Variants in ZNF808 observed in about 807,000 individuals in gnomAD.
ZNF808 encodes zinc finger protein 808.
Under a neutral mutation model 8.7 loss-of-function variants are expected in ZNF808, and 5 were observed. That is an observed-to-expected ratio of 0.58 (90% confidence interval 0.30 to 1.21). ZNF808 has a LOEUF of 1.21. Among genes scored for constraint, ZNF808 ranks in the 50% most tolerant of loss-of-function variants. ZNF808 has a pLI of 0.07. For synonymous variants in ZNF808, 380 were observed against 366.0 expected (o/e 1.04, Z -0.44); for missense variants, 1,103 against 1,098.4 (o/e 1.00, Z -0.06).
intron 3 of ZNF808, among the ~76,000 whole-genome samples, chr19:52,544,503 G>A (rs1233468063): frequency 3.3e-5 from 5 of 151,960 alleles, no homozygotes; most frequent in Non-Finnish European, 7.4e-5. Context: ...GCTAATTTTT[G>A]TATTTTTAGT....
rs756372569 is a variant in ZNF808 at position 52,553,348 on chromosome 19, C to A, written c.432C>A (p.His144Gln). Reference sequence around the variant, plus strand: ...CTGGTAGCACAGACCAACATGATCACAGGCATGCTGGAAACAAGCCTATTA... The same window carrying A: ...CTGGTAGCACAGACCAACATGATCAAAGGCATGCTGGAAACAAGCCTATTA... Reference protein sequence around the residue: ...KLTGSTDQHDHRHAGNKPIKD... With the variant: ...KLTGSTDQHDQRHAGNKPIKD... Residue 144 changes from histidine to glutamine, a missense_variant, in exon 5 of 5, where the codon CAC (histidine) becomes CAA (glutamine). Transcript: ENST00000359798. 1.2e-6 allele frequency: 2 copies of A among 1,614,130 alleles called. No individual in the cohort carries two copies. The highest frequency in any genetic ancestry group is 2.2e-5 in the South Asian group (2 of 91,088).
intron 4 of ZNF808, 98 bp downstream of exon 4, chr19:52,547,736 C>CT: frequency 7.7e-7 from 1 of 1,292,936 alleles, no homozygotes; most frequent in Non-Finnish European, 1.0e-6. Flanking sequence ...CCCATCCATG[C>CT]TGGTTTTTTT....
Position 52,554,248 on chromosome 19 carries a change from A to C in ZNF808, c.1332A>C (p.Arg444Ser), listed in dbSNP as rs1449193369. 1.2e-6 allele frequency: 2 copies of C among 1,613,518 alleles called. No individual in the cohort carries two copies. Among genetic ancestry groups the C allele is most frequent in the African/African-American group, 2.7e-5 (2 of 74,868 alleles). Residue 444 changes from arginine to serine, a missense_variant, in exon 5 of 5, where the codon AGA becomes AGC. Coordinates refer to ENST00000359798, the MANE Select transcript of ZNF808 (RefSeq NM_001039886.4). ...KVFSQKSTLE[R>S]HKRIHTGEKP... ...TCAGTCAGAAATCAACCCTTGAGAG[A>C]CATAAGAGAATTCATACTGGAGAGA...
chr19:52,554,170 T>C lies in ZNF808; in HGVS notation c.1254T>C (p.His418=), dbSNP rs2059808101. ...ATCAATCAAGCCTTGCACGTCATCATATACTTCATACTGGAGAGAAACCTT... is the reference window on the plus strand; with the variant it reads ...ATCAATCAAGCCTTGCACGTCATCACATACTTCATACTGGAGAGAAACCTT... ...FNHQSSLARH[H]ILHTGEKPYK... Residue 418 remains histidine, a synonymous_variant, in exon 5 of 5, where the codon CAT becomes CAC. Transcript: ENST00000359798. 1 of 1,614,146 alleles carries C rather than the reference T, an allele frequency of 6.2e-7. No homozygotes were observed. The highest frequency in any genetic ancestry group is 8.5e-7 in the Non-Finnish European group (1 of 1,180,026).
chr19:52,540,429 A>C (rs1265422211), intron 2 of ZNF808, among the ~76,000 whole-genome samples: 7 of 152,280 alleles, frequency 4.6e-5, no homozygotes, highest in Non-Finnish European at 1.5e-5. Context: ...TTGAGTTTAC[A>C]TTGAGGTCTG....
At chr19:52,530,146 C>T (rs1415661383) in intron 1 of ZNF808, among the ~76,000 whole-genome samples, 3 of 152,074 alleles carry the variant, frequency 2.0e-5, no homozygotes, top group Admixed American at 1.3e-4. Context: ...CCACAACCTC[C>T]GCTCCCTGGC....
chr19:52,535,258 G>A (rs959728994), intron 2 of ZNF808, among the ~76,000 whole-genome samples: 2 of 149,612 alleles, frequency 1.3e-5, no homozygotes, highest in South Asian at 2.1e-4. Context: ...GTGAACCCGG[G>A]AGGCGGAGCT....
intron 4 of ZNF808, among the ~76,000 whole-genome samples, chr19:52,549,566 A>AT (rs1372647450): frequency 6.6e-6 from 1 of 152,144 alleles, no homozygotes; most frequent in Non-Finnish European, 1.5e-5. Flanking sequence ...CCTTGGGTCA[A>AT]TATTTTAACA....
At position 52,555,420 on chromosome 19, in the gene ZNF808, C is replaced by T; in HGVS notation, c.2504C>T (p.Ser835Leu). The T allele has an allele frequency of 6.2e-7, 1 of 1,614,050 alleles. No individual in the cohort carries two copies. Among genetic ancestry groups the T allele is most frequent in the South Asian group, 1.1e-5 (1 of 91,072 alleles). The change falls in exon 5 of 5, where the codon TCA (serine) becomes TTA (leucine). Residue 835 changes from serine to leucine, a missense_variant. Ser to Leu is a moderately radical substitution (Grantham distance 145). Transcript: ENST00000359798. ...GCTTTTAATGAACAATCACACCTTT[C>T]ACGTCATCATAGAATTCATACTGGA... ...GKAFNEQSHL[S>L]RHHRIHTGEK...
intron 2 of ZNF808, among the ~76,000 whole-genome samples, chr19:52,536,221 G>C (rs1001774799): frequency 1.3e-5 from 2 of 152,304 alleles, no homozygotes; most frequent in East Asian, 1.9e-4. Flanking sequence ...GTTTGAACTC[G>C]TCCGGAGGCT....
Position 52,553,305 on chromosome 19 carries a change from C to T in ZNF808, c.389C>T (p.Thr130Ile), listed in dbSNP as rs763728264. Residue 130 changes from threonine to isoleucine, a missense_variant, in exon 5 of 5, where the codon ACA becomes ATA. By Grantham distance (89) the Thr-to-Ile change is moderately conservative. Coordinates refer to ENST00000359798, the MANE Select transcript of ZNF808 (RefSeq NM_001039886.4). ...AGAAATGGCCATGAAGCACCCACGA[C>T]AAAAATAAAAAAGTTGACTGGTAGC... The part of the protein sequence containing the change: ...DERNGHEAPT[T>I]KIKKLTGSTD... The T allele has an allele frequency of 1.2e-6, 2 of 1,613,302 alleles. No homozygotes were observed. Among genetic ancestry groups the T allele is most frequent in the South Asian group, 1.1e-5 (1 of 90,926 alleles).
chr19:52,547,372 T>A, intron 3 of ZNF808, 140 bp from the exon 4 acceptor site: 3 of 1,504,846 alleles, frequency 2.0e-6, no homozygotes, highest in Non-Finnish European at 1.8e-6. Context: ...ACGGAAAAAA[T>A]AGTCAAAAAT....
intron 4 of ZNF808, 35 bp downstream of exon 4, chr19:52,547,673 G>C (rs571127381): frequency 6.2e-7 from 1 of 1,609,524 alleles, no homozygotes; most frequent in East Asian, 2.2e-5. Context: ...TGAGGAGTCT[G>C]CTCCTGTCTA....
At chr19:52,557,947 A>G (rs1231019694), downstream of ZNF808, among the ~76,000 whole-genome samples, 1 of 149,912 alleles carries the variant, frequency 6.7e-6, no homozygotes, top group African/African-American at 2.5e-5. Context: ...GGGCTTCACC[A>G]GAAAAGCTCA....
chr19:52,551,502 T>C (rs1034515592), intron 4 of ZNF808, among the ~76,000 whole-genome samples: 41 of 152,318 alleles, frequency 2.7e-4, no homozygotes, highest in African/African-American at 9.1e-4. Flanking sequence ...GTATTTCAGT[T>C]CTTATATTGT....
Position 52,554,452 on chromosome 19 carries a change from G to A in ZNF808, c.1536G>A (p.Lys512=). ...RRLHSGEKPY[K]CNQCGNTFRH... is the part of the protein sequence containing the mutation. Reference sequence around the variant, plus strand: ...TTCATAGTGGTGAAAAACCTTACAAGTGTAATCAGTGTGGCAATACCTTCC... The same window carrying A: ...TTCATAGTGGTGAAAAACCTTACAAATGTAATCAGTGTGGCAATACCTTCC... The change falls in exon 5 of 5, where the codon AAG becomes AAA. Residue 512 remains lysine (K), a synonymous_variant. Transcript: ENST00000359798. The A allele has an allele frequency of 1.2e-6, 2 of 1,614,104 alleles. No individual in the cohort carries two copies. Among genetic ancestry groups the A allele is most frequent in the Non-Finnish European group, 1.7e-6 (2 of 1,180,018 alleles).
At chr19:52,546,943 CTTTTT>C (rs1172936091) in intron 3 of ZNF808, among the ~76,000 whole-genome samples, 1 of 78,472 alleles carries the variant, frequency 1.3e-5, no homozygotes, top group Non-Finnish European at 2.5e-5. Flanking sequence ...CCTGGAATTG[CTTTTT>C]TTTTTTTTTT....
At position 52,555,576 on chromosome 19, in the gene ZNF808, G is replaced by A. The variant is rs767171404; in HGVS notation, c.2660G>A (p.Arg887Gln). Residue 887 changes from arginine (R) to glutamine (Q), a missense_variant, in exon 5 of 5, where the codon CGG becomes CAG. Coordinates refer to ENST00000359798, the MANE Select transcript of ZNF808 (RefSeq NM_001039886.4). Reference protein sequence around the residue: ...CNECGKAFSDRSTLIHHQAIH... With the variant: ...CNECGKAFSDQSTLIHHQAIH... ...GAGTGTGGCAAAGCCTTTAGTGACC[G>A]GTCAACACTTATTCACCATCAGGCA... 189 of 1,611,448 alleles carry A rather than the reference G, an allele frequency of 1.2e-4. No homozygotes were observed. Among genetic ancestry groups the A allele is most frequent in the Non-Finnish European group, 1.4e-4 (170 of 1,178,986 alleles).
intron 1 of ZNF808, among the ~76,000 whole-genome samples, chr19:52,532,423 C>T (rs565621062): frequency 6.6e-6 from 1 of 152,114 alleles, no homozygotes; most frequent in East Asian, 1.9e-4. Context: ...CTTCTCTGTG[C>T]TACGATTATT....
Sources: gnomAD v4.1 joint callset for allele counts (sites outside exome capture counted in the v4.1 genomes callset) on GRCh38, gnomAD v4.1.1 for gene constraint, MANE v1.5 for transcripts, NCBI Gene and HGNC (gene_info 2026-07-23, HGNC 2026-07-21) for gene names.